DMD: variants seen among roughly 807,000 people sequenced by gnomAD.
DMD encodes dystrophin, also known as mutant dystrophin.
Under a neutral mutation model 330.1 loss-of-function variants are expected in DMD, and 63 were observed. The observed-to-expected ratio is 0.19, with a 90% CI of 0.16 to 0.24. The LOEUF is 0.24. DMD is among the 10% of genes least tolerant of loss of function. DMD has a pLI of 1.00. For missense variants in DMD, 3,344 were observed against 2,684.1 expected (o/e 1.25, Z -5.43); for synonymous variants, 1,223 against 959.8 (o/e 1.27, Z -5.07).
At chrX:31,895,189 G>C (rs1464099748) in intron 47 of DMD, among the ~76,000 whole-genome samples, 1 of 111,693 alleles carries the variant, frequency 9.0e-6, no homozygotes, top group Non-Finnish European at 1.9e-5. Context: ...AGAAAGAATG[G>C]AGAGACAGGA....
intron 44 of DMD, among the ~76,000 whole-genome samples, chrX:32,136,975 A>G (rs1322712203): frequency 9.0e-6 from 1 of 111,628 alleles, no homozygotes; most frequent in Non-Finnish European, 1.9e-5. Context: ...TAACCTGCAC[A>G]TTGTGCACAT....
intron 60 of DMD, among the ~76,000 whole-genome samples, chrX:31,399,301 C>T (rs982480573): frequency 1.8e-5 from 2 of 109,476 alleles, no homozygotes; most frequent in African/African-American, 3.3e-5. Context: ...AGCTGGACTC[C>T]TCTCCAAAGC....
intron 43 of DMD, among the ~76,000 whole-genome samples, chrX:32,273,635 T>C (rs73460098): frequency 0.032 from 3,581 of 110,525 alleles, 151 homozygotes; most frequent in African/African-American, 0.11. Context: ...AAATATAACA[T>C]GGCAGCTCCC....
intron 43 of DMD, among the ~76,000 whole-genome samples, chrX:32,232,253 T>C (rs1031802563): frequency 6.2e-5 from 7 of 112,171 alleles, no homozygotes; most frequent in African/African-American, 2.3e-4. Flanking sequence ...AATATTTTCT[T>C]ATAAAAATAG....
intron 17 of DMD, among the ~76,000 whole-genome samples, chrX:32,520,753 C>A (rs746328022): frequency 1.8e-5 from 2 of 111,182 alleles, no homozygotes; most frequent in African/African-American, 3.3e-5. Context: ...AAACTGCTTG[C>A]ACCTAAATCC....
intron 2 of DMD, among the ~76,000 whole-genome samples, chrX:32,890,049 G>A (rs1305542475): frequency 8.9e-6 from 1 of 111,841 alleles, no homozygotes. Context: ...GAGATTCACT[G>A]CCACTGCATG....
intron 29 of DMD, among the ~76,000 whole-genome samples, chrX:32,419,896 G>A (rs910297275): frequency 4.5e-5 from 5 of 111,740 alleles, no homozygotes; most frequent in Admixed American, 1.9e-4. Context: ...TGATAGAATG[G>A]TCAATGAGCT....
intron 2 of DMD, among the ~76,000 whole-genome samples, chrX:32,961,666 C>G (rs1369490108): frequency 9.0e-6 from 1 of 111,548 alleles, no homozygotes; most frequent in Non-Finnish European, 1.9e-5. Context: ...CTATGTTATA[C>G]TGACTTTATC....
intron 2 of DMD, among the ~76,000 whole-genome samples, chrX:32,870,789 G>C (rs1278264084): frequency 9.1e-6 from 1 of 109,524 alleles, no homozygotes; most frequent in Non-Finnish European, 1.9e-5. Flanking sequence ...ATGGATTAAA[G>C]ACTTAAACAC....
At chrX:33,171,737 GAC>G (rs1023624948) in intron 1 of DMD, among the ~76,000 whole-genome samples, 2 of 111,630 alleles carry the variant, frequency 1.8e-5, no homozygotes, top group African/African-American at 6.5e-5. Context: ...TACTTTTACT[GAC>G]AGAGATTTGG....
rs1191063866 is a variant in DMD, at chrX:32,465,582, G to GTTT, written c.3163-886_3163-884dup. ...GTCTTTTTTTTTTTGTTTGTTTTTT[G>GTTT]TTTTTTTTTTTTTTTTTTTTTGAGA... On this transcript the variant is annotated intron_variant, in intron 23 of 78. Coordinates refer to ENST00000357033, the MANE Select transcript of DMD (RefSeq NM_004006.3). Among the ~76,000 whole-genome samples the GTTT allele has an allele frequency of 2.9e-3, 220 of 76,616 alleles. 1 individual carries two copies. The highest frequency in any genetic ancestry group is 7.6e-3 in the African/African-American group (151 of 19,913). 66.5% of individuals were successfully genotyped at this position (76,616 alleles called of 115,157 possible).
At chrX:31,930,129 C>T (rs748206575) in intron 46 of DMD, among the ~76,000 whole-genome samples, 1 of 111,085 alleles carries the variant, frequency 9.0e-6, no homozygotes, top group South Asian at 3.8e-4. Context: ...TAGCTTGCTG[C>T]TGAGAAATTG....
rs1269889612 is a variant in DMD, at chrX:31,437,592, C to T, written c.9084+6889G>A. ...CTAGTAGGCACATGTAAAAATTTTG[C>T]AGAAACACTGCCCATTGTTGTAGCC... On this transcript the variant is annotated intron_variant, in intron 60 of 78. Coordinates refer to ENST00000357033, the MANE Select transcript of DMD (RefSeq NM_004006.3). 3.6e-5 allele frequency among the ~76,000 whole-genome samples: 4 copies of T among 110,930 alleles called. No homozygotes were observed. In the Admixed American group the frequency reaches 3.9e-4, roughly 11 times the overall value.
At chrX:32,922,629 G>A (rs2088543891) in intron 2 of DMD, among the ~76,000 whole-genome samples, 1 of 112,400 alleles carries the variant, frequency 8.9e-6, no homozygotes, top group Non-Finnish European at 1.9e-5. Flanking sequence ...TCGCTCCTAT[G>A]AGAATGTAAT....
chrX:32,350,957 A>T (rs1177103131), intron 37 of DMD, among the ~76,000 whole-genome samples: 1 of 110,743 alleles, frequency 9.0e-6, no homozygotes, highest in Admixed American at 9.6e-5. Context: ...AAATGCATAG[A>T]TTGAATCTGG....
intron 76 of DMD, among the ~76,000 whole-genome samples, chrX:31,135,047 A>T (rs776044855): frequency 9.0e-6 from 1 of 111,155 alleles, no homozygotes; most frequent in East Asian, 2.8e-4. Context: ...AAACAAAAAA[A>T]CAAAAAATAA....
At chrX:31,514,154 G>T (rs1266153802) in intron 55 of DMD, among the ~76,000 whole-genome samples, 1 of 111,927 alleles carries the variant, frequency 8.9e-6, no homozygotes, top group African/African-American at 3.2e-5. Context: ...AAACAGATTT[G>T]TAGCAGTGGA....
At chrX:32,085,627 TACAC>T (rs1557121483) in intron 44 of DMD, among the ~76,000 whole-genome samples, 1 of 64,980 alleles carries the variant, frequency 1.5e-5, no homozygotes, top group Non-Finnish European at 3.0e-5. Flanking sequence ...CGTATATATA[TACAC>T]ATATATACGT....
intron 60 of DMD, among the ~76,000 whole-genome samples, chrX:31,377,790 C>T (rs971468653): frequency 8.9e-6 from 1 of 111,887 alleles, no homozygotes; most frequent in African/African-American, 3.2e-5. Flanking sequence ...TCCAGAAGGC[C>T]TGAAGTAACT....
Sources: allele counts gnomAD v4.1 joint callset (sites outside exome capture counted in the v4.1 genomes callset), GRCh38; gene constraint gnomAD v4.1.1; transcripts MANE v1.5; gene names NCBI Gene and HGNC (gene_info 2026-07-23, HGNC 2026-07-21).